Variants in ALCAM observed in about 807,000 individuals in gnomAD.
ALCAM encodes the protein activated leukocyte cell adhesion molecule, also known as CD166 antigen.
ALCAM carries 30 observed loss-of-function variants against 70.9 expected under a neutral mutation model. The ratio of observed to expected loss-of-function variants is 0.42; its 90% CI spans 0.32 to 0.57. The LOEUF (loss-of-function observed/expected upper bound fraction) is 0.57. Ranked by LOEUF, ALCAM falls within the 20% of genes least tolerant of loss-of-function variation. ALCAM has a pLI of 0.11. For missense variants in ALCAM, 591 were observed against 695.1 expected (o/e 0.85, Z 1.68); for synonymous variants, 249 against 242.5 (o/e 1.03, Z -0.25).
Position 105,532,080 on chromosome 3 carries a change from T to G in ALCAM, c.459+14T>G. 1 of 1,607,778 alleles carries G rather than the reference T, an allele frequency of 6.2e-7. No individual in the cohort carries two copies. The highest frequency in any genetic ancestry group is 8.5e-7 in the Non-Finnish European group (1 of 1,174,798). On this transcript the variant is annotated intron_variant, in intron 4 of 15. Coordinates refer to ENST00000306107, the MANE Select transcript of ALCAM (RefSeq NM_001627.4). ...CAGCTAAAAAAGGTAAGAATTGTTT[T>G]TGATTAATACCTTTATTTAGCCAGT... is the stretch of plus-strand genomic sequence containing the variant.
At chr3:105,393,345 T>G (rs1311882990) in intron 1 of ALCAM, among the ~76,000 whole-genome samples, 1 of 151,708 alleles carries the variant, frequency 6.6e-6, no homozygotes, top group Admixed American at 6.6e-5. Flanking sequence ...TTAACAGAAG[T>G]GCAAATATTC....
intron 1 of ALCAM, among the ~76,000 whole-genome samples, chr3:105,393,429 A>G (rs962905280): frequency 5.3e-5 from 8 of 151,892 alleles, no homozygotes; most frequent in Non-Finnish European, 1.0e-4. Context: ...AGGAATTTAA[A>G]TTTTGTATCA....
chr3:105,399,034 C>T (rs932903813), intron 1 of ALCAM, among the ~76,000 whole-genome samples: 6 of 151,980 alleles, frequency 3.9e-5, no homozygotes, highest in African/African-American at 1.4e-4. Context: ...CATAGAAATG[C>T]AGCCCCTAAT....
chr3:105,384,854 T>C (rs934403434), intron 1 of ALCAM, among the ~76,000 whole-genome samples: 6 of 151,564 alleles, frequency 4.0e-5, no homozygotes, highest in African/African-American at 1.5e-4. Flanking sequence ...GAATGCAGTA[T>C]AGTTTATGTA....
At chr3:105,520,994 C>A (rs1004717261) in intron 2 of ALCAM, among the ~76,000 whole-genome samples, 3 of 152,162 alleles carry the variant, frequency 2.0e-5, no homozygotes, top group Admixed American at 6.5e-5. Context: ...ATTTGATGGT[C>A]AAATACTTTA....
At chr3:105,550,353 T>G in intron 12 of ALCAM, 94 bp downstream of exon 12, 1 of 1,225,018 alleles carries the variant, frequency 8.2e-7, no homozygotes, top group Non-Finnish European at 1.1e-6. Flanking sequence ...CTGTACTGCA[T>G]TATGGTAAGT....
At chr3:105,404,149 G>A (rs1936159527) in intron 1 of ALCAM, among the ~76,000 whole-genome samples, 1 of 152,004 alleles carries the variant, frequency 6.6e-6, no homozygotes, top group South Asian at 2.1e-4. Context: ...AAATCTAAAA[G>A]TATTGAAAAC....
chr3:105,553,741 A>T (rs1940462053), intron 14 of ALCAM, among the ~76,000 whole-genome samples: 1 of 151,836 alleles, frequency 6.6e-6, no homozygotes, highest in Admixed American at 6.6e-5. Context: ...AGTACACACC[A>T]TTATTATTCA....
chr3:105,531,859 C>T, intron 3 of ALCAM, 143 bp from the exon 4 acceptor site: 1 of 744,692 alleles, frequency 1.3e-6, no homozygotes, highest in East Asian at 2.5e-5. Flanking sequence ...TTCCCCAAAT[C>T]CAGATTGTAT....
chr3:105,500,494 A>T (rs1168237304), intron 1 of ALCAM, among the ~76,000 whole-genome samples: 2 of 152,216 alleles, frequency 1.3e-5, no homozygotes, highest in African/African-American at 4.8e-5. Context: ...AATTTAATAT[A>T]CGAAAGTTAA....
At chr3:105,449,769 A>G (rs933353846) in intron 1 of ALCAM, among the ~76,000 whole-genome samples, 2 of 152,142 alleles carry the variant, frequency 1.3e-5, no homozygotes, top group Admixed American at 6.5e-5. Flanking sequence ...AATCAGCTTT[A>G]TAGGATTTAC....
At chr3:105,572,059 T>A in intron 15 of ALCAM, 95 bp downstream of exon 15, 1 of 685,580 alleles carries the variant, frequency 1.5e-6, no homozygotes, top group African/African-American at 1.8e-5. Context: ...GCTCCATAAT[T>A]ACAGCTTTCA....
chr3:105,374,813 G>A (rs1326997698), intron 1 of ALCAM, among the ~76,000 whole-genome samples: 8 of 152,076 alleles, frequency 5.3e-5, no homozygotes, highest in South Asian at 2.1e-4. Context: ...CCACTGCACC[G>A]AGCCCAATGT....
chr3:105,556,975 G>A (rs939176919), intron 14 of ALCAM, among the ~76,000 whole-genome samples: 1 of 151,838 alleles, frequency 6.6e-6, no homozygotes, highest in African/African-American at 2.4e-5. Context: ...CCATTTTGTA[G>A]TATCTAAGTC....
At chr3:105,434,543 C>A (rs1314454156) in intron 1 of ALCAM, among the ~76,000 whole-genome samples, 1 of 151,886 alleles carries the variant, frequency 6.6e-6, no homozygotes, top group Non-Finnish European at 1.5e-5. Context: ...CACTAAAAAT[C>A]TTATATATTA....
At chr3:105,558,071 G>T (rs1004263875) in intron 14 of ALCAM, among the ~76,000 whole-genome samples, 4 of 152,024 alleles carry the variant, frequency 2.6e-5, no homozygotes, top group African/African-American at 9.7e-5. Flanking sequence ...TGTGACCAAA[G>T]AAGGGGAAAA....
intron 3 of ALCAM, among the ~76,000 whole-genome samples, chr3:105,527,232 G>C (rs765271514): frequency 6.6e-6 from 1 of 152,110 alleles, no homozygotes; most frequent in East Asian, 1.9e-4. Flanking sequence ...GCCTTTAAAG[G>C]TGCCCAAAGA....
At chr3:105,520,215 A>T in intron 2 of ALCAM, 48 bp downstream of exon 2, 2 of 1,311,664 alleles carry the variant, frequency 1.5e-6, no homozygotes, top group South Asian at 2.4e-5. Context: ...TGTTCTTTTA[A>T]ATAAAATTCT....
At chr3:105,368,265 A>AGAGAGAGAGAGAGAGAGAGAGAGAGAG (rs1553716633) in intron 1 of ALCAM, among the ~76,000 whole-genome samples, 8 of 25,944 alleles carry the variant, frequency 3.1e-4, no homozygotes, top group Non-Finnish European at 6.4e-4. Context: ...GAGAGAGAGA[A>AGAGAGAGAGAGAGAGAGAGAGAGAGAG]AAGGCAAAAT....
Sources: allele counts gnomAD v4.1 joint callset (sites outside exome capture counted in the v4.1 genomes callset), GRCh38; gene constraint gnomAD v4.1.1; transcripts MANE v1.5; gene names NCBI Gene and HGNC (gene_info 2026-07-23, HGNC 2026-07-21).